The following PTPRT variants were observed in gnomAD, a reference collection of about 807,000 sequenced individuals.
The protein encoded by PTPRT is receptor-type tyrosine-protein phosphatase T.
In PTPRT, 56 loss-of-function variants were observed where a neutral mutation model predicts 176.8. That is an observed-to-expected ratio of 0.32 (90% confidence interval 0.26 to 0.40). PTPRT has a LOEUF of 0.40. Ranked by LOEUF, PTPRT falls within the 10% of genes least tolerant of loss-of-function variation. The pLI is 1.00. For synonymous variants in PTPRT, 783 were observed against 739.0 expected (o/e 1.06, Z -0.96); for missense variants, 1,540 against 1,908.2 (o/e 0.81, Z 3.60).
intron 9 of PTPRT, among the ~76,000 whole-genome samples, chr20:42,358,084 T>C (rs2058382072): frequency 1.4e-5 from 2 of 139,944 alleles, no homozygotes; most frequent in African/African-American, 2.5e-5. Flanking sequence ...TGGAGAAATC[T>C]GGAAAAAAAA....
intron 11 of PTPRT, among the ~76,000 whole-genome samples, chr20:42,340,464 A>C (rs1358314903): frequency 1.3e-5 from 2 of 152,186 alleles, no homozygotes; most frequent in African/African-American, 4.8e-5. Flanking sequence ...CCATTGGTGG[A>C]GACTCTAACT....
intron 9 of PTPRT, among the ~76,000 whole-genome samples, chr20:42,442,857 G>C (rs2059329209): frequency 6.6e-6 from 1 of 152,144 alleles, no homozygotes. Flanking sequence ...TGCTTCCCTT[G>C]GTGACCTCAT....
At chr20:43,083,333 T>TATATATATATATAC (rs2011498733) in intron 1 of PTPRT, among the ~76,000 whole-genome samples, 1 of 100,570 alleles carries the variant, frequency 9.9e-6, no homozygotes, top group African/African-American at 4.5e-5. Flanking sequence ...TATATATATA[T>TATATATATATATAC]ATATATATAT....
intron 1 of PTPRT, among the ~76,000 whole-genome samples, chr20:42,931,830 A>G (rs1276623375): frequency 1.3e-5 from 2 of 152,190 alleles, no homozygotes; most frequent in Non-Finnish European, 2.9e-5. Context: ...AGCAGTGGGG[A>G]GGTAGGTGCC....
rs773072151 is a variant in PTPRT, at chr20:42,939,729, C to T, written c.89-53797G>A. On this transcript the variant is annotated intron_variant, in intron 1 of 30. Transcript: ENST00000373187. ...CTTATATTTTAGTAAGAAAAAAAGA[C>T]ACTAAAAAATGAGTGAATAAATGAT... Among the ~76,000 whole-genome samples the T allele has an allele frequency of 1.3e-3, 200 of 151,978 alleles. 6 individuals carry two copies. Among genetic ancestry groups the T allele is most frequent in the Admixed American group, 9.8e-4 (15 of 15,260 alleles).
chr20:42,396,715 C>T (rs1476368993), intron 9 of PTPRT, among the ~76,000 whole-genome samples: 1 of 152,182 alleles, frequency 6.6e-6, no homozygotes, highest in Non-Finnish European at 1.5e-5. Flanking sequence ...GCACCCAACA[C>T]CATGCTCAGC....
chr20:42,803,171 G>A (rs2077555319), intron 2 of PTPRT, among the ~76,000 whole-genome samples: 1 of 152,210 alleles, frequency 6.6e-6, no homozygotes, highest in African/African-American at 2.4e-5. Flanking sequence ...ACATCTCCAT[G>A]CTGTTGACAA....
At chr20:42,260,998 C>A (rs2056738553) in intron 13 of PTPRT, among the ~76,000 whole-genome samples, 1 of 152,154 alleles carries the variant, frequency 6.6e-6, no homozygotes, top group South Asian at 2.1e-4. Flanking sequence ...CAACCACTGC[C>A]CACTGGCCAG....
chr20:43,136,482 T>G (rs6065578), intron 1 of PTPRT, among the ~76,000 whole-genome samples: 54,022 of 152,096 alleles, frequency 0.36, 10,446 homozygotes, highest in East Asian at 0.79. Flanking sequence ...ATACGAAAAT[T>G]TATTATTTCT....
chr20:43,011,277 CT>C (rs1439170686), intron 1 of PTPRT, among the ~76,000 whole-genome samples: 1 of 152,190 alleles, frequency 6.6e-6, no homozygotes, highest in Non-Finnish European at 1.5e-5. Flanking sequence ...TGGCCAGAGT[CT>C]GTCCTGTCTC....
At chr20:43,107,873 T>A (rs2012685766) in intron 1 of PTPRT, among the ~76,000 whole-genome samples, 1 of 152,360 alleles carries the variant, frequency 6.6e-6, no homozygotes, top group Middle Eastern at 3.4e-3. Flanking sequence ...AGGTAATACC[T>A]TTAAAATGTC....
chr20:42,634,031 ATTATATAT>A (rs1569038567), intron 7 of PTPRT, among the ~76,000 whole-genome samples: 1 of 31,168 alleles, frequency 3.2e-5, no homozygotes, highest in African/African-American at 1.8e-4. Flanking sequence ...TAATATATAT[ATTATATAT>A]ATTATATATA....
intron 1 of PTPRT, among the ~76,000 whole-genome samples, chr20:43,094,716 C>T (rs1039800281): frequency 1.3e-5 from 2 of 152,050 alleles, no homozygotes; most frequent in African/African-American, 4.8e-5. Flanking sequence ...TATTTATCAC[C>T]TTAGGTGTTT....
At chr20:42,502,405 A>C (rs867556444) in intron 7 of PTPRT, among the ~76,000 whole-genome samples, 123 of 137,404 alleles carry the variant, frequency 9.0e-4, no homozygotes, top group Non-Finnish European at 1.2e-3. Context: ...TATGTATACA[A>C]ACACACACAC....
intron 1 of PTPRT, among the ~76,000 whole-genome samples, chr20:42,995,431 C>T (rs992624156): frequency 1.3e-5 from 2 of 152,156 alleles, no homozygotes; most frequent in Admixed American, 1.3e-4. Flanking sequence ...ATTTGTCTTG[C>T]AAACTTGTGT....
At chr20:42,109,797 A>C (rs146073710) in intron 23 of PTPRT, among the ~76,000 whole-genome samples, 75 of 152,336 alleles carry the variant, frequency 4.9e-4, no homozygotes, top group African/African-American at 1.8e-3. Flanking sequence ...GACCCAGCAG[A>C]TGCTGCCAGT....
intron 1 of PTPRT, among the ~76,000 whole-genome samples, chr20:42,970,331 C>T (rs957263626): frequency 5.3e-5 from 8 of 152,290 alleles, no homozygotes; most frequent in East Asian, 1.9e-4. Flanking sequence ...GTCAAGGATT[C>T]GGATCCAGAC....
rs138518436 is a variant in PTPRT, at chr20:42,259,877, G to A, written c.2177-11055C>T. The stretch of plus-strand genomic sequence containing the variant: ...TGAAAATAACTGGACAAAGCCCAGT[G>A]ACCTCCACATGGACTATATCCATTA... On this transcript the variant is annotated intron_variant, in intron 13 of 30. Coordinates refer to ENST00000373187, the MANE Select transcript of PTPRT (RefSeq NM_007050.6). Among the ~76,000 whole-genome samples, 118 of 152,302 alleles carry A rather than the reference G, an allele frequency of 7.7e-4. 2 individuals carry two copies. The East Asian group carries it at 0.022, about 28-fold the overall frequency.
At chr20:42,602,553 G>C (rs1601351482) in intron 7 of PTPRT, among the ~76,000 whole-genome samples, 1 of 152,058 alleles carries the variant, frequency 6.6e-6, no homozygotes, top group East Asian at 1.9e-4. Context: ...GTTTCAGAGG[G>C]GAGATCTGAG....
Sources: gnomAD v4.1 joint callset for allele counts (sites outside exome capture counted in the v4.1 genomes callset) on GRCh38, gnomAD v4.1.1 for gene constraint, MANE v1.5 for transcripts, NCBI Gene and HGNC (gene_info 2026-07-23, HGNC 2026-07-21) for gene names.